GALNT13: variants seen among roughly 807,000 people sequenced by gnomAD.
The protein encoded by GALNT13 is polypeptide N-acetylgalactosaminyltransferase 13, also known as UDP-GalNAc:polypeptide N-acetylgalactosaminyltransferase 13.
Under a neutral mutation model 64.2 loss-of-function variants are expected in GALNT13, and 28 were observed. The observed-to-expected ratio is 0.44, with a 90% CI of 0.32 to 0.60. The LOEUF is 0.60. Among genes scored for constraint, GALNT13 ranks in the 20% least tolerant of loss-of-function variants. GALNT13 has a pLI of 0.05. For synonymous variants in GALNT13, 214 were observed against 224.6 expected, an observed-to-expected ratio of 0.95 and a Z score of 0.42; for missense variants, 577 against 669.8, an observed-to-expected ratio of 0.86 and a Z score of 1.53.
intron 2 of GALNT13, among the ~76,000 whole-genome samples, chr2:153,940,607 T>A (rs1691275153): frequency 6.6e-6 from 1 of 152,164 alleles, no homozygotes. Flanking sequence ...CAGTTAGACC[T>A]GAAGCTAATT....
chr2:154,170,253 T>C (rs1685276794), intron 4 of GALNT13, among the ~76,000 whole-genome samples: 1 of 152,144 alleles, frequency 6.6e-6, no homozygotes, highest in Non-Finnish European at 1.5e-5. Flanking sequence ...TCTTCCTTAC[T>C]CAGTCCACTG....
intron 4 of GALNT13, among the ~76,000 whole-genome samples, chr2:154,149,429 A>G (rs1683836458): frequency 6.7e-6 from 1 of 148,174 alleles, no homozygotes; most frequent in African/African-American, 2.5e-5. Flanking sequence ...TTGCTTCCAT[A>G]TGAACTTTAA....
At chr2:153,767,764 T>C in the GALNT13 span, among the ~76,000 whole-genome samples, 1 of 151,936 alleles carries the variant, frequency 6.6e-6, no homozygotes, top group Non-Finnish European at 1.5e-5. Context: ...GAAAATAGTG[T>C]AGTTCATGTT....
At chr2:153,237,743 A>T in the GALNT13 span, among the ~76,000 whole-genome samples, 4 of 151,996 alleles carry the variant, frequency 2.6e-5, no homozygotes, top group Non-Finnish European at 5.9e-5. Flanking sequence ...CAATAGCCAC[A>T]TAGGTTGATT....
chr2:154,413,835 T>A (rs1433946540), intron 11 of GALNT13, among the ~76,000 whole-genome samples: 1 of 152,092 alleles, frequency 6.6e-6, no homozygotes, highest in Non-Finnish European at 1.5e-5. Context: ...AAACTATAAT[T>A]GATTTATTCA....
intron 3 of GALNT13, among the ~76,000 whole-genome samples, chr2:153,950,848 T>C (rs944988609): frequency 2.6e-4 from 40 of 152,068 alleles, no homozygotes; most frequent in African/African-American, 9.7e-4. Context: ...GACACGATAA[T>C]TTGTACCCCA....
the GALNT13 span, among the ~76,000 whole-genome samples, chr2:153,640,492 G>C: frequency 6.6e-6 from 1 of 152,240 alleles, no homozygotes; most frequent in South Asian, 2.1e-4. Context: ...TAAGAAGTTT[G>C]TCAGGGCCCG....
chr2:153,775,412 A>G, the GALNT13 span, among the ~76,000 whole-genome samples: 5 of 152,144 alleles, frequency 3.3e-5, no homozygotes, highest in Non-Finnish European at 5.9e-5. Flanking sequence ...TAGAGGTTTC[A>G]TAATAACTCC....
intron 10 of GALNT13, among the ~76,000 whole-genome samples, chr2:154,399,499 G>T (rs928322346): frequency 6.6e-6 from 1 of 152,034 alleles, no homozygotes; most frequent in Non-Finnish European, 1.5e-5. Context: ...GGACAAAGGG[G>T]CAGGACAGCT....
the GALNT13 span, among the ~76,000 whole-genome samples, chr2:153,653,008 A>G: frequency 6.6e-6 from 1 of 152,176 alleles, no homozygotes; most frequent in African/African-American, 2.4e-5. Flanking sequence ...ACATATATGT[A>G]TATGAAAATA....
chr2:154,044,743 T>C (rs1194554131), intron 3 of GALNT13, among the ~76,000 whole-genome samples: 1 of 152,200 alleles, frequency 6.6e-6, no homozygotes, highest in Non-Finnish European at 1.5e-5. Flanking sequence ...CTTATGTCTG[T>C]TTAGCTAATT....
the GALNT13 span, among the ~76,000 whole-genome samples, chr2:153,486,225 G>A: frequency 2.0e-4 from 31 of 152,082 alleles, no homozygotes; most frequent in African/African-American, 6.3e-4. Flanking sequence ...GTGAGCCACC[G>A]TGCCCAGCCT....
chr2:153,719,495 T>C, the GALNT13 span, among the ~76,000 whole-genome samples: 2 of 152,078 alleles, frequency 1.3e-5, no homozygotes, highest in South Asian at 4.1e-4. Context: ...GGTCTACAGC[T>C]CCCAGCTTGA....
the GALNT13 span, among the ~76,000 whole-genome samples, chr2:153,401,862 G>T: frequency 6.6e-6 from 1 of 152,018 alleles, no homozygotes; most frequent in East Asian, 1.9e-4. Context: ...CACACTGATG[G>T]GTCTTGACTT....
At chr2:154,403,289 T>C (rs1359844348) in intron 10 of GALNT13, among the ~76,000 whole-genome samples, 3 of 151,898 alleles carry the variant, frequency 2.0e-5, no homozygotes, top group African/African-American at 7.3e-5. Context: ...CGCATTTCTA[T>C]TACAAATACA....
the GALNT13 span, among the ~76,000 whole-genome samples, chr2:153,615,247 C>G: frequency 6.6e-5 from 10 of 151,924 alleles, no homozygotes; most frequent in Non-Finnish European, 1.3e-4. Context: ...TGTGTAGGTA[C>G]CACATTTTCT....
At chr2:153,206,447 T>C in the GALNT13 span, among the ~76,000 whole-genome samples, 4 of 152,126 alleles carry the variant, frequency 2.6e-5, no homozygotes, top group Non-Finnish European at 5.9e-5. Context: ...ATTATAATTG[T>C]ACATATTTAT....
At chr2:153,477,009 G>C in the GALNT13 span, among the ~76,000 whole-genome samples, 1 of 152,182 alleles carries the variant, frequency 6.6e-6, no homozygotes, top group Non-Finnish European at 1.5e-5. Flanking sequence ...TGTTCCCGCC[G>C]GAGCCTGGCA....
At chr2:153,804,666 G>A in the GALNT13 span, among the ~76,000 whole-genome samples, 1 of 151,908 alleles carries the variant, frequency 6.6e-6, no homozygotes, top group Non-Finnish European at 1.5e-5. Context: ...AAGAAGTTCA[G>A]AGTAAATAAC....
Sources: gnomAD v4.1 joint callset for allele counts (sites outside exome capture counted in the v4.1 genomes callset) on GRCh38, gnomAD v4.1.1 for gene constraint, MANE v1.5 for transcripts, NCBI Gene and HGNC (gene_info 2026-07-23, HGNC 2026-07-21) for gene names.